Variants in SGCZ observed in about 807,000 individuals in gnomAD.
SGCZ encodes zeta-sarcoglycan.
SGCZ carries 40 observed loss-of-function variants against 41.3 expected under a neutral mutation model. The ratio of observed to expected loss-of-function variants is 0.97; its 90% confidence interval spans 0.75 to 1.26. The LOEUF (loss-of-function observed/expected upper bound fraction) is 1.26, where lower values mean the gene tolerates loss of function less well. SGCZ is among the 50% of genes most tolerant of loss of function. SGCZ has a pLI of 0.00. For synonymous variants in SGCZ, 206 were observed against 137.5 expected (o/e 1.50, Z -3.49); for missense variants, 552 against 369.8 (o/e 1.49, Z -4.04).
intron 1 of SGCZ, among the ~76,000 whole-genome samples, chr8:15,224,741 T>G (rs1264008071): frequency 6.6e-6 from 1 of 152,052 alleles, no homozygotes; most frequent in Middle Eastern, 3.2e-3. Flanking sequence ...AAAAGAATAC[T>G]TATGAGAAAA....
At chr8:14,402,038 T>C (rs1048199105) in intron 2 of SGCZ, among the ~76,000 whole-genome samples, 1 of 152,160 alleles carries the variant, frequency 6.6e-6, no homozygotes, top group Non-Finnish European at 1.5e-5. Context: ...CTGATGGCCA[T>C]GGATGATGAG....
At chr8:14,564,780 C>A (rs886213670) in intron 1 of SGCZ, among the ~76,000 whole-genome samples, 1 of 152,082 alleles carries the variant, frequency 6.6e-6, no homozygotes, top group Admixed American at 6.5e-5. Flanking sequence ...TCTGCTCCAA[C>A]AAAATGAGTC....
intron 2 of SGCZ, among the ~76,000 whole-genome samples, chr8:14,516,990 T>A (rs28589995): frequency 0.016 from 2,492 of 152,052 alleles, 62 homozygotes; most frequent in African/African-American, 0.058. Context: ...GATACAAGGG[T>A]GGAGCCAGGA....
chr8:14,266,454 C>T (rs1456309938), intron 3 of SGCZ, among the ~76,000 whole-genome samples: 1 of 151,900 alleles, frequency 6.6e-6, no homozygotes, highest in African/African-American at 2.4e-5. Context: ...ATGATATTTG[C>T]ACTGATTAAA....
chr8:14,417,799 A>G (rs1563316186), intron 2 of SGCZ, among the ~76,000 whole-genome samples: 1 of 151,144 alleles, frequency 6.6e-6, no homozygotes, highest in Non-Finnish European at 1.5e-5. Context: ...TCATTTCACA[A>G]TGTGTATGTA....
intron 2 of SGCZ, among the ~76,000 whole-genome samples, chr8:14,488,506 T>C (rs1801746048): frequency 6.6e-6 from 1 of 152,058 alleles, no homozygotes; most frequent in South Asian, 2.1e-4. Context: ...CCCTTTGAGA[T>C]GTAAATCATC....
chr8:14,342,612 G>A (rs1802749490), intron 2 of SGCZ, among the ~76,000 whole-genome samples: 1 of 152,170 alleles, frequency 6.6e-6, no homozygotes, highest in African/African-American at 2.4e-5. Flanking sequence ...ACCGCGCCCA[G>A]CCTGGTGGAA....
chr8:14,807,727 C>T (rs1187836019), intron 1 of SGCZ, among the ~76,000 whole-genome samples: 1 of 151,790 alleles, frequency 6.6e-6, no homozygotes, highest in Non-Finnish European at 1.5e-5. Context: ...TTGGAAAAAA[C>T]TACTTTAAAG....
At chr8:14,968,470 T>A (rs759072808) in intron 1 of SGCZ, among the ~76,000 whole-genome samples, 8 of 152,122 alleles carry the variant, frequency 5.3e-5, no homozygotes, top group Non-Finnish European at 1.2e-4. Context: ...TCAATATTCA[T>A]CCTATAGCAG....
intron 1 of SGCZ, among the ~76,000 whole-genome samples, chr8:15,223,787 C>G (rs891383281): frequency 6.6e-6 from 1 of 152,186 alleles, no homozygotes; most frequent in East Asian, 1.9e-4. Flanking sequence ...ATTTAAAAAA[C>G]GAGAACTAGA....
At chr8:14,711,270 A>G (rs542964323) in intron 1 of SGCZ, among the ~76,000 whole-genome samples, 99 of 152,156 alleles carry the variant, frequency 6.5e-4, no homozygotes, top group Admixed American at 2.3e-3. Flanking sequence ...ACTAATTTCA[A>G]CACAAACTTT....
chr8:14,166,984 T>G (rs1168852252), intron 4 of SGCZ, among the ~76,000 whole-genome samples: 1 of 152,132 alleles, frequency 6.6e-6, no homozygotes, highest in Admixed American at 6.6e-5. Flanking sequence ...AGACTACACT[T>G]TATTCATCAT....
chr8:14,166,584 A>G (rs759539655), intron 4 of SGCZ, among the ~76,000 whole-genome samples: 3 of 152,142 alleles, frequency 2.0e-5, no homozygotes, highest in Non-Finnish European at 2.9e-5. Context: ...GCTTCCTTCA[A>G]ATATACTCAG....
At chr8:14,964,728 T>G (rs1801076378) in intron 1 of SGCZ, among the ~76,000 whole-genome samples, 1 of 152,140 alleles carries the variant, frequency 6.6e-6, no homozygotes, top group Non-Finnish European at 1.5e-5. Flanking sequence ...AAGCAGCTCC[T>G]TGCAGTCCAG....
At chr8:14,495,679 C>A (rs554244735) in intron 2 of SGCZ, among the ~76,000 whole-genome samples, 13 of 152,284 alleles carry the variant, frequency 8.5e-5, no homozygotes, top group African/African-American at 2.6e-4. Flanking sequence ...AAAGACCAAA[C>A]CCTCATTACA....
chr8:14,214,663 G>T (rs184177568), intron 4 of SGCZ, among the ~76,000 whole-genome samples: 1 of 151,730 alleles, frequency 6.6e-6, no homozygotes, highest in Non-Finnish European at 1.5e-5. Context: ...TAGGTATATT[G>T]AAAGTATGGA....
intron 2 of SGCZ, among the ~76,000 whole-genome samples, chr8:14,378,046 G>C (rs977154516): frequency 2.0e-5 from 3 of 149,606 alleles, no homozygotes; most frequent in African/African-American, 7.5e-5. Context: ...CATATACCCA[G>C]TAATGGGATG....
intron 1 of SGCZ, among the ~76,000 whole-genome samples, chr8:14,565,718 G>A (rs1804338819): frequency 6.6e-6 from 1 of 151,928 alleles, no homozygotes; most frequent in Non-Finnish European, 1.5e-5. Flanking sequence ...ACAATGGTAA[G>A]AAAACATATC....
intron 6 of SGCZ, among the ~76,000 whole-genome samples, chr8:14,107,664 G>T (rs960153444): frequency 6.6e-6 from 1 of 151,562 alleles, no homozygotes; most frequent in Non-Finnish European, 1.5e-5. Context: ...TTACAGATGG[G>T]GTCTTGCTGT....
Sources: allele counts gnomAD v4.1 joint callset (sites outside exome capture counted in the v4.1 genomes callset), GRCh38; gene constraint gnomAD v4.1.1; transcripts MANE v1.5; gene names NCBI Gene and HGNC (gene_info 2026-07-23, HGNC 2026-07-21).